GRAMD2B: variants seen among roughly 807,000 people sequenced by gnomAD.
GRAMD2B encodes the protein GRAM domain-containing protein 2B.
A neutral mutation model predicts 59.2 loss-of-function variants in GRAMD2B; 41 were observed. The ratio of observed to expected loss-of-function variants is 0.69; its 90% CI spans 0.54 to 0.90. The LOEUF (loss-of-function observed/expected upper bound fraction) is 0.90. GRAMD2B is among the 40% of genes least tolerant of loss of function. The pLI is 0.00. For missense variants in GRAMD2B, 424 were observed against 500.5 expected, an observed-to-expected ratio of 0.85 and a Z score of 1.46; for synonymous variants, 161 against 182.7, an observed-to-expected ratio of 0.88 and a Z score of 0.96.
At chr5:126,365,786 G>T (rs953185611) in intron 1 of GRAMD2B, among the ~76,000 whole-genome samples, 1 of 151,196 alleles carries the variant, frequency 6.6e-6, no homozygotes, top group Non-Finnish European at 1.5e-5. Context: ...AGAAAGTTCT[G>T]CAAACAAAAT....
At chr5:126,478,732 G>A (rs1329055245) in intron 6 of GRAMD2B, among the ~76,000 whole-genome samples, 1 of 152,158 alleles carries the variant, frequency 6.6e-6, no homozygotes, top group Non-Finnish European at 1.5e-5. Context: ...GACAAAGCGA[G>A]ACCCTGTCTC....
chr5:126,436,358 A>T lies in GRAMD2B; in HGVS notation c.83+12669A>T, dbSNP rs141511703. Among the ~76,000 whole-genome samples the T allele has an allele frequency of 1.4e-3, 208 of 152,290 alleles. 1 individual carries two copies. Among genetic ancestry groups the T allele is most frequent in the African/African-American group, 4.9e-3 (205 of 41,554 alleles). Reference sequence around the variant, plus strand: ...GTATTAGGCATGAACTGTGTCCCCTAGAACATTAGGCCCGGTGCGGTGACT... The same window carrying T: ...GTATTAGGCATGAACTGTGTCCCCTTGAACATTAGGCCCGGTGCGGTGACT... On this transcript the variant is annotated intron_variant, in intron 1 of 13. Transcript: ENST00000285689.
intron 1 of GRAMD2B, among the ~76,000 whole-genome samples, chr5:126,388,328 A>G (rs184810570): frequency 5.5e-4 from 84 of 152,200 alleles, no homozygotes; most frequent in Admixed American, 2.2e-3. Context: ...AGCCATATTC[A>G]TGCTACTGCA....
chr5:126,439,944 C>T (rs1213030769), intron 1 of GRAMD2B, among the ~76,000 whole-genome samples: 2 of 152,130 alleles, frequency 1.3e-5, no homozygotes, highest in African/African-American at 2.4e-5. Flanking sequence ...GTAAGACGTG[C>T]CTTTGCTCCT....
chr5:126,364,868 GT>G (rs996535052), intron 1 of GRAMD2B, among the ~76,000 whole-genome samples: 30 of 152,262 alleles, frequency 2.0e-4, no homozygotes, highest in African/African-American at 7.2e-4. Context: ...CTCCAAACAT[GT>G]CTTTGATTCT....
chr5:126,370,439 G>A (rs1015663855), upstream of GRAMD2B, among the ~76,000 whole-genome samples: 10 of 152,148 alleles, frequency 6.6e-5, no homozygotes, highest in African/African-American at 2.2e-4. Flanking sequence ...AATCACAAGG[G>A]GAACAAGGAG....
chr5:126,477,298 A>G (rs569648320), intron 5 of GRAMD2B, among the ~76,000 whole-genome samples: 45 of 152,348 alleles, frequency 3.0e-4, no homozygotes, highest in Middle Eastern at 3.4e-3. Context: ...GCTTTTTAAC[A>G]TGCACCTAGA....
At chr5:126,446,673 G>A (rs575190876) in intron 1 of GRAMD2B, among the ~76,000 whole-genome samples, 2 of 151,548 alleles carry the variant, frequency 1.3e-5, no homozygotes, top group Admixed American at 6.6e-5. Flanking sequence ...AAGGTGTGAC[G>A]GAGAGCAGCT....
intron 1 of GRAMD2B, 191 bp from the exon 2 acceptor site, chr5:126,465,232 AGCT>A (rs1768089257): frequency 1.4e-6 from 2 of 1,429,030 alleles, no homozygotes; most frequent in African/African-American, 2.9e-5. Context: ...TGCGACCTGC[AGCT>A]ACTGCCGTTG....
At chr5:126,488,942 GGT>G (rs1321911378) in intron 13 of GRAMD2B, 50 bp downstream of exon 13, 1 of 1,348,120 alleles carries the variant, frequency 7.4e-7, no homozygotes, top group African/African-American at 1.4e-5. Flanking sequence ...AGTGCCTGTT[GGT>G]TGCCCTAGGT....
rs1443195064 is a variant in GRAMD2B at position 126,480,630 on chromosome 5, A to G, written c.658A>G (p.Thr220Ala). 5.0e-6 allele frequency: 8 copies of G among 1,613,986 alleles called. No individual in the cohort carries two copies. The South Asian group carries it at 6.6e-5, about 13-fold the overall frequency. The stretch of plus-strand genomic sequence containing the variant: ...CGTTTTGTTCCAATAATTTCAGAAT[A>G]CAAGTGTTGGTAACAGTCCCAATCC... ...LKSVCGHLEN[T>A]SVGNSPNPSS... The change falls in exon 8 of 14, where the codon ACA (threonine) becomes GCA (alanine). Residue 220 changes from threonine (T) to alanine (A), a missense_variant. Coordinates refer to ENST00000285689, the MANE Select transcript of GRAMD2B (RefSeq NM_023927.4).
At chr5:126,484,194 T>A (rs1476061117) in intron 9 of GRAMD2B, among the ~76,000 whole-genome samples, 1 of 152,238 alleles carries the variant, frequency 6.6e-6, no homozygotes, top group Non-Finnish European at 1.5e-5. Flanking sequence ...GTGAGTTGGT[T>A]GGAAAATGAA....
At chr5:126,483,650 AAAG>A (rs1772306166) in intron 9 of GRAMD2B, 76 bp downstream of exon 9, 5 of 719,186 alleles carry the variant, frequency 7.0e-6, no homozygotes, top group Non-Finnish European at 1.1e-5. Flanking sequence ...TTAAAAAAAA[AAAG>A]AAAAGAAAAG....
intron 1 of GRAMD2B, among the ~76,000 whole-genome samples, chr5:126,429,658 G>A (rs1019827087): frequency 1.3e-5 from 2 of 152,190 alleles, no homozygotes; most frequent in Admixed American, 6.5e-5. Flanking sequence ...GCTATGGGGT[G>A]GAGGTGGGAG....
At chr5:126,457,608 G>T (rs932620144) in intron 1 of GRAMD2B, among the ~76,000 whole-genome samples, 14 of 151,760 alleles carry the variant, frequency 9.2e-5, no homozygotes, top group African/African-American at 3.4e-4. Flanking sequence ...TCCAGCCTGG[G>T]CAATACAGCA....
In GRAMD2B at chr5:126,377,892, T is replaced by C. The variant is rs193143835; in HGVS notation, c.125+6325T>C. 1.0e-3 allele frequency among the ~76,000 whole-genome samples: 159 copies of C among 152,340 alleles called. 1 individual carries two copies. The highest frequency in any genetic ancestry group is 6.8e-3 in the Middle Eastern group (2 of 294). ...GACAAATTTTTCCAATCATCAGATA[T>C]ATAAATCATAATATACATAAATATA... On this transcript the variant is annotated intron_variant, in intron 1 of 8. Coordinates refer to the GRAMD2B transcript ENST00000506445.
chr5:126,381,299 A>G (rs1035243119), intron 1 of GRAMD2B, among the ~76,000 whole-genome samples: 1 of 152,112 alleles, frequency 6.6e-6, no homozygotes, highest in African/African-American at 2.4e-5. Context: ...GGATTCAGTC[A>G]GCTAGTATTT....
chr5:126,377,716 T>A (rs958867473), intron 1 of GRAMD2B, among the ~76,000 whole-genome samples: 1 of 152,198 alleles, frequency 6.6e-6, no homozygotes, highest in Middle Eastern at 3.2e-3. Context: ...GGAATACTCC[T>A]ACCACCCTCT....
At chr5:126,413,874 T>C (rs1409900261) in intron 1 of GRAMD2B, among the ~76,000 whole-genome samples, 1 of 152,178 alleles carries the variant, frequency 6.6e-6, no homozygotes, top group African/African-American at 2.4e-5. Context: ...GCTACTACTA[T>C]TCCCATTTTT....
Sources: allele counts gnomAD v4.1 joint callset (sites outside exome capture counted in the v4.1 genomes callset), GRCh38; gene constraint gnomAD v4.1.1; transcripts MANE v1.5; gene names NCBI Gene and HGNC (gene_info 2026-07-23, HGNC 2026-07-21).